Variants in NPTN observed in about 807,000 individuals in gnomAD.
NPTN encodes SDR-1.
A neutral mutation model predicts 42.7 loss-of-function variants in NPTN; 5 were observed. That is an observed-to-expected ratio of 0.12 (90% CI 0.06 to 0.25). The LOEUF (loss-of-function observed/expected upper bound fraction) is 0.25. Ranked by LOEUF, NPTN falls within the 10% of genes least tolerant of loss-of-function variation. The probability of loss-of-function intolerance (pLI) is 1.00; values close to 1 mark genes in which losing one functional copy is unlikely to be tolerated. For missense variants in NPTN, 307 were observed against 525.4 expected (o/e 0.58, Z 4.06); for synonymous variants, 180 against 201.9 (o/e 0.89, Z 0.92).
At position 73,573,758 on chromosome 15, in the gene NPTN, G is replaced by T; in HGVS notation, c.744C>A (p.Asn248Lys). The T allele has an allele frequency of 2.5e-6, 4 of 1,601,014 alleles. No individual in the cohort carries two copies. The highest frequency in any genetic ancestry group is 1.1e-5 in the South Asian group (1 of 88,316). Residue 248 changes from asparagine to lysine, a missense_variant, in exon 5 of 9, where the codon AAC becomes AAA. Around this residue, in one of 2 missense-constraint regions of NPTN, gnomAD observed 264 missense variants for 491.1 expected, o/e 0.54. Coordinates refer to ENST00000345330, the MANE Select transcript of NPTN (RefSeq NM_012428.4). ...TAGTGGCATCCTGCCCTTCATTCTT[G>T]TTCTCACTCCGTTTATGGCCAGTGA... ...PDITGHKRSE[N>K]KNEGQDATMY...
In NPTN at chr15:73,592,153, ACAATGATAGGGGG is replaced by A; in HGVS notation, c.440-29_440-17del. 1 of 1,607,848 alleles carries A rather than the reference ACAATGATAGGGGG, an allele frequency of 6.2e-7. No individual in the cohort carries two copies. On this transcript the variant is annotated splice_polypyrimidine_tract_variant and intron_variant, in intron 2 of 8. Coordinates refer to ENST00000345330, the MANE Select transcript of NPTN (RefSeq NM_012428.4). ...ATCCTTGGCTCTGTAATAAGAGTGC[ACAATGATAGGGGG>A]CAATAGCCTTCCATCCTCTGTAGCC...
rs1894619254 is a variant in NPTN at position 73,560,857 on chromosome 15, T to C, written c.*206A>G. On this transcript the variant is annotated 3_prime_UTR_variant, in exon 9 of 9. Transcript: ENST00000345330. ...CATTCACAGCACATCAAGCCCAAAA[T>C]AGTTTACACCTTCTACACTGAAGCA... The C allele has an allele frequency of 6.6e-6, 1 of 151,640 alleles. No individual in the cohort carries two copies. Among genetic ancestry groups the C allele is most frequent in the African/African-American group, 2.4e-5 (1 of 41,172 alleles). The allele number at this position is 151,640 out of a possible 1,614,324, so 9.4% of individuals were successfully genotyped here.
chr15:73,570,930 A>G lies in NPTN; in HGVS notation c.841-507T>C, dbSNP rs976445984. Reference sequence around the variant, plus strand: ...CTCCTAGTCAGACTGGGGGAAATTCATAACTTTCCTTTCATTTAAGGACTA... The same window carrying G: ...CTCCTAGTCAGACTGGGGGAAATTCGTAACTTTCCTTTCATTTAAGGACTA... On this transcript the variant is annotated intron_variant, in intron 5 of 8. Transcript: ENST00000345330. This position sits in a 1 kb window ranked among gnomAD's most constrained non-coding sequence, Gnocchi z 4.0. 3.3e-5 allele frequency among the ~76,000 whole-genome samples: 5 copies of G among 152,210 alleles called. No individual in the cohort carries two copies. Among genetic ancestry groups the G allele is most frequent in the Admixed American group, 3.3e-4 (5 of 15,278 alleles).
chr15:73,590,978 G>A (rs566634539), intron 3 of NPTN, among the ~76,000 whole-genome samples: 2 of 151,784 alleles, frequency 1.3e-5, no homozygotes, highest in African/African-American at 4.8e-5. Flanking sequence ...GGCATAGCAG[G>A]GAAAAGAAAA....
chr15:73,619,534 C>T (rs1260694211), intron 1 of NPTN, among the ~76,000 whole-genome samples: 1 of 152,144 alleles, frequency 6.6e-6, no homozygotes. Flanking sequence ...TGCTGCAAGA[C>T]GGCTTCAAAA....
At chr15:73,594,151 T>C (rs1444031174) in intron 2 of NPTN, among the ~76,000 whole-genome samples, 2 of 152,228 alleles carry the variant, frequency 1.3e-5, no homozygotes, top group East Asian at 3.9e-4. Flanking sequence ...TTACTTAATT[T>C]TTATTATCCA....
At chr15:73,609,275 CAGA>C (rs1897442002) in intron 1 of NPTN, among the ~76,000 whole-genome samples, 1 of 152,086 alleles carries the variant, frequency 6.6e-6, no homozygotes, top group Non-Finnish European at 1.5e-5. Flanking sequence ...GTATCCATAC[CAGA>C]AGGTCTCAAA....
At chr15:73,563,594 TGAG>T in intron 6 of NPTN, 2 of 1,098,406 alleles carry the variant, frequency 1.8e-6, no homozygotes, top group Non-Finnish European at 2.2e-6. Context: ...CTTAAATAGA[TGAG>T]AAGACAAACC....
Position 73,597,296 on chromosome 15 carries a change from G to T in NPTN, c.165C>A (p.Val55=). The change falls in exon 2 of 9, where the codon GTC becomes GTA. Residue 55 remains valine (V), a synonymous_variant. Transcript: ENST00000345330. This position sits in a 1 kb window ranked among gnomAD's most constrained non-coding sequence, Gnocchi z 6.3. The stretch of plus-strand genomic sequence containing the variant: ...ACTGGATCTCTGGCGTGGGGCTCCC[G>T]ACCACGTCACAGTACAGCTCAAAGG... ...GDAFELYCDV[V]GSPTPEIQWW... is the part of the protein sequence containing the mutation. 1.2e-6 allele frequency: 2 copies of T among 1,613,880 alleles called. No homozygotes were observed. The highest frequency in any genetic ancestry group is 1.1e-5 in the South Asian group (1 of 91,044).
intron 4 of NPTN, among the ~76,000 whole-genome samples, chr15:73,575,649 C>T (rs747629878): frequency 1.3e-5 from 2 of 152,234 alleles, no homozygotes. Context: ...CATCTTGAGA[C>T]TGTAGAAGCC....
At chr15:73,589,686 T>C (rs1896492472) in intron 3 of NPTN, among the ~76,000 whole-genome samples, 1 of 152,084 alleles carries the variant, frequency 6.6e-6, no homozygotes. Context: ...CTAATGCATT[T>C]ATCCATCTTA....
At chr15:73,596,369 C>G (rs1450667490) in intron 2 of NPTN, among the ~76,000 whole-genome samples, 1 of 152,134 alleles carries the variant, frequency 6.6e-6, no homozygotes, top group Non-Finnish European at 1.5e-5. Flanking sequence ...ACATGCCACC[C>G]AACAACCAAA....
chr15:73,609,700 T>C lies in NPTN; in HGVS notation c.92-12331A>G, dbSNP rs970132411. 3.3e-5 allele frequency among the ~76,000 whole-genome samples: 5 copies of C among 152,166 alleles called. 1 individual carries two copies. Among genetic ancestry groups the C allele is most frequent in the South Asian group, 4.1e-4 (2 of 4,834 alleles). The stretch of plus-strand genomic sequence containing the variant: ...CCTTCTGAGAAAAACAGTATCCATA[T>C]GGTTCCAAAGATTACCTTTGGAAAT... On this transcript the variant is annotated intron_variant, in intron 1 of 8. Coordinates refer to ENST00000345330, the MANE Select transcript of NPTN (RefSeq NM_012428.4).
chr15:73,593,310 C>A (rs1036991565), intron 2 of NPTN, among the ~76,000 whole-genome samples: 35 of 152,168 alleles, frequency 2.3e-4, no homozygotes, highest in African/African-American at 8.2e-4. Context: ...TTTATTATTT[C>A]CCCAGGCTTA....
At chr15:73,623,857 T>C (rs1009959483) in intron 1 of NPTN, among the ~76,000 whole-genome samples, 6 of 152,234 alleles carry the variant, frequency 3.9e-5, no homozygotes, top group Non-Finnish European at 5.9e-5. Context: ...GTCCTACTTA[T>C]AATGGTTCTG....
chr15:73,564,388 G>A (rs1360147921), intron 6 of NPTN, among the ~76,000 whole-genome samples: 2 of 152,172 alleles, frequency 1.3e-5, no homozygotes, highest in Admixed American at 6.5e-5. Flanking sequence ...AGTAATGTCT[G>A]TCAGAGGGAG....
At chr15:73,578,090 T>C (rs917510879) in intron 4 of NPTN, among the ~76,000 whole-genome samples, 2 of 152,124 alleles carry the variant, frequency 1.3e-5, no homozygotes, top group African/African-American at 2.4e-5. Flanking sequence ...GAGGATTTGA[T>C]TGGAACATAG....
intron 2 of NPTN, among the ~76,000 whole-genome samples, chr15:73,593,819 G>C (rs1896708116): frequency 6.6e-6 from 1 of 152,030 alleles, no homozygotes; most frequent in Admixed American, 6.6e-5. Flanking sequence ...CATCAAACAG[G>C]GTCTCTATGT....
At chr15:73,562,116 A>G (rs2141345143) in intron 7 of NPTN, 146 bp from the exon 8 acceptor site, 1 of 629,172 alleles carries the variant, frequency 1.6e-6, no homozygotes, top group South Asian at 1.8e-5. Flanking sequence ...GCATAAAAAA[A>G]CATTCCTTAA....
Sources: gnomAD v4.1 joint callset for allele counts (sites outside exome capture counted in the v4.1 genomes callset) on GRCh38, gnomAD v4.1.1 for gene constraint, gnomAD v4.1.1 regional missense constraint, Gnocchi (gnomAD v3.1) non-coding constraint, MANE v1.5 for transcripts, NCBI Gene and HGNC (gene_info 2026-07-23, HGNC 2026-07-21) for gene names.